SLC9C1: variants seen among roughly 807,000 people sequenced by gnomAD.
The protein encoded by SLC9C1 is sodium/hydrogen exchanger 10.
A neutral mutation model predicts 140.9 loss-of-function variants in SLC9C1; 97 were observed. That is an observed-to-expected ratio of 0.69 (90% CI 0.58 to 0.82). The LOEUF is 0.82. Among genes scored for constraint, SLC9C1 ranks in the 40% least tolerant of loss-of-function variants. The probability of loss-of-function intolerance (pLI) is 0.00; values close to 1 mark genes in which losing one functional copy is unlikely to be tolerated. For synonymous variants in SLC9C1, 440 were observed against 442.6 expected (o/e 0.99, Z 0.07); for missense variants, 1,340 against 1,389.3 (o/e 0.96, Z 0.56).
chr3:112,160,348 C>T (rs2075257884), intron 26 of SLC9C1, among the ~76,000 whole-genome samples: 1 of 150,588 alleles, frequency 6.6e-6, no homozygotes, highest in South Asian at 2.1e-4. Context: ...TGTACATGTG[C>T]CATGCTGGTG....
intron 25 of SLC9C1, among the ~76,000 whole-genome samples, chr3:112,168,370 T>C (rs2077181471): frequency 6.9e-6 from 1 of 144,074 alleles, no homozygotes; most frequent in African/African-American, 2.6e-5. Flanking sequence ...CACACACAAC[T>C]TCTTTCCTTC....
At chr3:112,188,261 G>A (rs916619156) in intron 20 of SLC9C1, among the ~76,000 whole-genome samples, 1 of 152,074 alleles carries the variant, frequency 6.6e-6, no homozygotes, top group Non-Finnish European at 1.5e-5. Context: ...TATATTTTAA[G>A]TTCTAGGGTA....
chr3:112,278,313 G>A (rs543508858), intron 4 of SLC9C1, among the ~76,000 whole-genome samples: 1 of 152,196 alleles, frequency 6.6e-6, no homozygotes, highest in South Asian at 2.1e-4. Flanking sequence ...TTGAATTAAA[G>A]TTTAGCTGCT....
intron 18 of SLC9C1, 127 bp downstream of exon 18, chr3:112,202,123 G>A: frequency 9.3e-7 from 1 of 1,080,448 alleles, no homozygotes; most frequent in Non-Finnish European, 1.3e-6. Context: ...CCTAGTTTAA[G>A]TTTTTAAAGA....
chr3:112,280,845 G>A (rs2080338013), intron 2 of SLC9C1, 62 bp from the exon 3 acceptor site: 2 of 1,424,802 alleles, frequency 1.4e-6, no homozygotes, highest in African/African-American at 1.4e-5. Context: ...ACTTTAATGT[G>A]ACATGATTTC....
chr3:112,161,669 T>G (rs1048372189), intron 26 of SLC9C1, among the ~76,000 whole-genome samples: 1 of 152,150 alleles, frequency 6.6e-6, no homozygotes, highest in Admixed American at 6.6e-5. Flanking sequence ...TTTTGGTTAC[T>G]GCAGCCTTGT....
intron 12 of SLC9C1, among the ~76,000 whole-genome samples, chr3:112,238,755 G>A (rs1273816645): frequency 6.6e-6 from 1 of 152,218 alleles, no homozygotes; most frequent in East Asian, 1.9e-4. Context: ...ATCAGCAGCA[G>A]AGGCTGCAGA....
intron 23 of SLC9C1, among the ~76,000 whole-genome samples, chr3:112,178,137 A>T (rs2077373788): frequency 7.0e-6 from 1 of 143,252 alleles, no homozygotes; most frequent in Non-Finnish European, 1.5e-5. Context: ...ACCACTACAT[A>T]TTTTTTTTTT....
At chr3:112,151,381 C>T (rs6781137) in intron 28 of SLC9C1, 171,109 of 518,746 alleles carry the variant, frequency 0.33, 29,568 homozygotes, top group East Asian at 0.41. Context: ...TTTGCTCATT[C>T]TCACAGCCAG....
At chr3:112,180,511 G>A in intron 22 of SLC9C1, 53 bp downstream of exon 22, 1 of 1,461,306 alleles carries the variant, frequency 6.8e-7, no homozygotes, top group South Asian at 1.2e-5. Context: ...CAACAAGAGA[G>A]AAACTCTGTC....
rs1484965501 is a variant in SLC9C1 at position 112,231,362 on chromosome 3, A to G, written c.1571T>C (p.Ile524Thr). ...LANRRLLSAQ[I>T]ASYQRQYRNE... is the part of the protein sequence containing the mutation. ...TTTCAAAAGAGAATAATACAGTACT[A>G]TTTGTGCTGACAAGAGACGCCTGTT... The change falls in exon 13 of 29, where the codon ATA (isoleucine) becomes ACA (threonine). Residue 524 changes from isoleucine to threonine, a missense_variant and splice_region_variant. Physicochemically the swap from Ile to Thr is moderately conservative, Grantham distance 89. Coordinates refer to ENST00000305815, the MANE Select transcript of SLC9C1 (RefSeq NM_183061.3). 6.2e-7 allele frequency: 1 copy of G among 1,613,040 alleles called. No homozygotes were observed. The highest frequency in any genetic ancestry group is 8.5e-7 in the Non-Finnish European group (1 of 1,179,538).
In SLC9C1 at chr3:112,151,926, T is replaced by C; in HGVS notation, c.3455A>G (p.Gln1152Arg). ...CTTTGTCCCCAGCAGGGAGCAAGGCTGGGGACTCCTGGCAGTGGCGGCACT... is the reference window on the plus strand; with the variant it reads ...CTTTGTCCCCAGCAGGGAGCAAGGCCGGGGACTCCTGGCAGTGGCGGCACT... ...AHSAATARSP[Q>R]PCSLLGTKFN... is the part of the protein sequence containing the mutation. The change falls in exon 28 of 29, where the codon CAG (glutamine) becomes CGG (arginine). Residue 1152 changes from glutamine (Q) to arginine (R), a missense_variant. Transcript: ENST00000305815. 1.2e-6 allele frequency: 2 copies of C among 1,605,352 alleles called. No homozygotes were observed. The highest frequency in any genetic ancestry group is 2.2e-5 in the South Asian group (2 of 89,284).
At chr3:112,141,739 C>T (rs897395291) in intron 28 of SLC9C1, among the ~76,000 whole-genome samples, 31 of 152,090 alleles carry the variant, frequency 2.0e-4, no homozygotes, top group African/African-American at 7.2e-4. Context: ...CATAATCATG[C>T]TTTTTATTAT....
chr3:112,286,997 A>G (rs751325616), intron 1 of SLC9C1, 119 bp from the exon 2 acceptor site: 2 of 451,044 alleles, frequency 4.4e-6, no homozygotes, highest in Non-Finnish European at 7.8e-6. Context: ...AAATTTAGGG[A>G]TGCCTCTCCC....
rs2077845863 is a variant in SLC9C1, at chr3:112,199,377, T to G, written c.2467A>C (p.Lys823Gln). 1 of 1,598,460 alleles carries G rather than the reference T, an allele frequency of 6.3e-7. No homozygotes were observed. Among genetic ancestry groups the G allele is most frequent in the Non-Finnish European group, 8.5e-7 (1 of 1,173,528 alleles). ...ATAATTCCTTTTAAGCCAAAAGCCT[T>G]AAGAATTTCTGTAGCCATATTGAGC... ...VMLNMATEILKAFGLKGIISK... is the reference protein window; with the variant it reads ...VMLNMATEILQAFGLKGIISK... The change falls in exon 20 of 29, where the codon AAG becomes CAG. Residue 823 changes from lysine to glutamine, a missense_variant. Physicochemically the swap from Lys to Gln is moderately conservative, Grantham distance 53 (BLOSUM62 1). Coordinates refer to ENST00000305815, the MANE Select transcript of SLC9C1 (RefSeq NM_183061.3).
chr3:112,219,759 T>C (rs1334745140), intron 14 of SLC9C1, among the ~76,000 whole-genome samples: 1 of 152,002 alleles, frequency 6.6e-6, no homozygotes, highest in Non-Finnish European at 1.5e-5. Flanking sequence ...TTTTGTATTT[T>C]TAGTAGAGAC....
chr3:112,256,651 T>C (rs2079614437), intron 10 of SLC9C1, among the ~76,000 whole-genome samples: 2 of 152,162 alleles, frequency 1.3e-5, no homozygotes, highest in Admixed American at 6.6e-5. Flanking sequence ...TCTTGAATAC[T>C]GGCACAAGAC....
At position 112,225,345 on chromosome 3, in the gene SLC9C1, A is replaced by G. The variant is rs189505946; in HGVS notation, c.1573-4120T>C. On this transcript the variant is annotated intron_variant, in intron 13 of 28. Transcript: ENST00000305815. ...GTAAAACCTGAGAGAATTCACCATC[A>G]CTAGACTGGACTCACAAGAAATGCT... is the stretch of plus-strand genomic sequence containing the variant. 1.5e-3 allele frequency among the ~76,000 whole-genome samples: 231 copies of G among 152,296 alleles called. 1 individual carries two copies. Among genetic ancestry groups the G allele is most frequent in the African/African-American group, 5.2e-3 (218 of 41,568 alleles).
intron 13 of SLC9C1, among the ~76,000 whole-genome samples, chr3:112,228,958 G>A (rs2078751136): frequency 6.6e-6 from 1 of 152,000 alleles, no homozygotes; most frequent in Non-Finnish European, 1.5e-5. Flanking sequence ...TACAGAAAAT[G>A]TCGTATATTT....
Sources: gnomAD v4.1 joint callset for allele counts (sites outside exome capture counted in the v4.1 genomes callset) on GRCh38, gnomAD v4.1.1 for gene constraint, MANE v1.5 for transcripts, NCBI Gene and HGNC (gene_info 2026-07-23, HGNC 2026-07-21) for gene names.